Variants in TMEM106B observed in about 807,000 individuals in gnomAD.
TMEM106B encodes the protein transmembrane protein 106B.
In TMEM106B, 15 loss-of-function variants were observed where a neutral mutation model predicts 31.1. The observed-to-expected ratio is 0.48, with a 90% CI of 0.32 to 0.74. The LOEUF is 0.74. Among genes scored for constraint, TMEM106B ranks in the 30% least tolerant of loss-of-function variants. The pLI, the probability that TMEM106B is intolerant of heterozygous loss-of-function variation, is 0.03. For missense variants in TMEM106B, 283 were observed against 327.3 expected (o/e 0.86, Z 1.04); for synonymous variants, 126 against 112.5 (o/e 1.12, Z -0.76).
intron 4 of TMEM106B, among the ~76,000 whole-genome samples, chr7:12,224,750 C>A (rs1415844649): frequency 6.6e-6 from 1 of 152,126 alleles, no homozygotes; most frequent in Non-Finnish European, 1.5e-5. Context: ...ATTTTGATTT[C>A]ATTGTATTTG....
rs756919662 is a variant in TMEM106B at position 12,231,846 on chromosome 7, G to A, written c.696G>A (p.Val232=). 1.6e-5 allele frequency: 25 copies of A among 1,596,096 alleles called. No homozygotes were observed. The highest frequency in any genetic ancestry group is 3.4e-5 in the Admixed American group (2 of 59,198). Residue 232 remains valine, a synonymous_variant, in exon 8 of 8, where the codon GTG becomes GTA. Coordinates refer to ENST00000396668, the MANE Select transcript of TMEM106B (RefSeq NM_001134232.2). ...CTTACATTATTTTTAGAGTTACTGT[G>A]ACAACAACATACTTTGGCCACTCTG... The part of the protein sequence containing the change: ...HNIVLMMQVT[V]TTTYFGHSEQ...
chr7:12,240,206 C>T lies in TMEM106B; in HGVS notation c.*8231C>T, dbSNP rs891201207. The T allele has an allele frequency of 2.6e-5, 4 of 152,286 alleles. No homozygotes were observed. The highest frequency in any genetic ancestry group is 3.4e-3 in the Middle Eastern group (1 of 292). The allele number at this position is 152,286 out of a possible 1,614,324, so 9.4% of individuals were successfully genotyped here. A position where few individuals can be genotyped will look rare whatever the true frequency, so the allele number is the denominator to read the frequency against. Reference sequence around the variant, plus strand: ...GGAACAGTTCATTCCTTTATCCCTTCGCTCATTCTGTTCCTTTTTTCTTAG... The same window carrying T: ...GGAACAGTTCATTCCTTTATCCCTTTGCTCATTCTGTTCCTTTTTTCTTAG... On this transcript the variant is annotated 3_prime_UTR_variant, in exon 8 of 8. Coordinates refer to ENST00000396668, the MANE Select transcript of TMEM106B (RefSeq NM_001134232.2).
At chr7:12,223,717 G>A (rs1418104484) in intron 3 of TMEM106B, among the ~76,000 whole-genome samples, 1 of 144,756 alleles carries the variant, frequency 6.9e-6, no homozygotes, top group Non-Finnish European at 1.5e-5. Context: ...CCAAAAATGT[G>A]ATTCCTTTTT....
rs1233857113 is a variant in TMEM106B, at chr7:12,239,304, G to A, written c.*7329G>A. 1.3e-5 allele frequency: 2 copies of A among 152,102 alleles called. No homozygotes were observed. Among genetic ancestry groups the A allele is most frequent in the Non-Finnish European group, 2.9e-5 (2 of 68,028 alleles). The allele number at this position is 152,102 out of a possible 1,614,324, so 9.4% of individuals were successfully genotyped here. ...TTGAAGCGTGTTAGGGCTTTGTTCA[G>A]GATTAGGCTTTCACTTAAGGCAATG... On this transcript the variant is annotated 3_prime_UTR_variant, in exon 8 of 8. Coordinates refer to ENST00000396668, the MANE Select transcript of TMEM106B (RefSeq NM_001134232.2).
chr7:12,229,178 T>C (rs1231550514), intron 4 of TMEM106B, among the ~76,000 whole-genome samples: 1 of 152,126 alleles, frequency 6.6e-6, no homozygotes, highest in Non-Finnish European at 1.5e-5. Flanking sequence ...ACAACAGTTG[T>C]AAATTAGAAA....
chr7:12,229,917 G>C (rs1046865600), intron 5 of TMEM106B, 98 bp downstream of exon 5: 81 of 1,339,508 alleles, frequency 6.0e-5, no homozygotes, highest in South Asian at 5.5e-4. Context: ...TCAAAAACTT[G>C]ATTTAGAAAT....
intron 1 of TMEM106B, among the ~76,000 whole-genome samples, chr7:12,212,598 G>C (rs1023594961): frequency 3.3e-5 from 5 of 151,972 alleles, no homozygotes; most frequent in Non-Finnish European, 7.4e-5. Context: ...CAAGTGGATG[G>C]CATGCGAATT....
intron 4 of TMEM106B, among the ~76,000 whole-genome samples, chr7:12,225,040 T>C (rs10950396): frequency 0.51 from 76,969 of 151,774 alleles, 20,563 homozygotes; most frequent in African/African-American, 0.66. Flanking sequence ...ACGACAGGCC[T>C]CGGTGTGTGA....
chr7:12,222,569 T>G (rs569966054), intron 3 of TMEM106B, among the ~76,000 whole-genome samples: 2 of 152,350 alleles, frequency 1.3e-5, no homozygotes, highest in African/African-American at 2.4e-5. Context: ...CAGATTTTAT[T>G]ATGATGATGT....
In TMEM106B at chr7:12,212,126, C is replaced by A. The variant is rs59724595; in HGVS notation, c.-3+701C>A. Among the ~76,000 whole-genome samples, 644 of 152,282 alleles carry A rather than the reference C, an allele frequency of 4.2e-3. 5 individuals are homozygous for A. The highest frequency in any genetic ancestry group is 0.015 in the African/African-American group (625 of 41,544). On this transcript the variant is annotated intron_variant, in intron 1 of 7. Coordinates refer to ENST00000396668, the MANE Select transcript of TMEM106B (RefSeq NM_001134232.2). ...AGTCTGGCACTTGTCCAAACACCTA[C>A]CCTAAAGCAGAATCGATCATGGCAG...
intron 2 of TMEM106B, 139 bp from the exon 3 acceptor site, chr7:12,218,319 C>A: frequency 6.1e-6 from 3 of 494,106 alleles, no homozygotes; most frequent in East Asian, 3.8e-5. Flanking sequence ...TGGATACTTT[C>A]TGAAGACTTA....
At chr7:12,225,665 C>G (rs1343153893) in intron 4 of TMEM106B, among the ~76,000 whole-genome samples, 1 of 152,090 alleles carries the variant, frequency 6.6e-6, no homozygotes, top group African/African-American at 2.4e-5. Flanking sequence ...GCATAAATGT[C>G]TTCTTTTGAG....
intron 5 of TMEM106B, among the ~76,000 whole-genome samples, 200 bp downstream of exon 5, chr7:12,230,019 C>G (rs1781986495): frequency 6.6e-6 from 1 of 150,958 alleles, no homozygotes; most frequent in Non-Finnish European, 1.5e-5. Flanking sequence ...GAATTCGAGA[C>G]CAGCCTGGGC....
intron 3 of TMEM106B, among the ~76,000 whole-genome samples, chr7:12,223,659 G>A: frequency 6.6e-6 from 1 of 151,246 alleles, no homozygotes; most frequent in Non-Finnish European, 1.5e-5. Context: ...TGCTCTGGCA[G>A]TCAAAAAAGT....
At chr7:12,230,832 T>C (rs1782006810) in intron 6 of TMEM106B, 1 of 378,958 alleles carries the variant, frequency 2.6e-6, no homozygotes, top group South Asian at 7.0e-5. Flanking sequence ...ATATAAGTAA[T>C]TTATAGCCTG....
chr7:12,215,092 CTG>C, intron 2 of TMEM106B, 65 bp downstream of exon 2: 1 of 1,435,976 alleles, frequency 7.0e-7, no homozygotes, highest in Non-Finnish European at 9.5e-7. Flanking sequence ...ATTATAAAAA[CTG>C]TGGGTCTCAG....
In TMEM106B at chr7:12,224,018, C is replaced by T. The variant is rs74297217; in HGVS notation, c.282-208C>T. 1.2e-3 allele frequency among the ~76,000 whole-genome samples: 179 copies of T among 152,226 alleles called. 1 individual carries two copies. In the East Asian group the frequency reaches 0.019, roughly 16 times the overall value. ...ACAGGCGTGAGCCACCGCATCCCGC[C>T]GATTTCATCTTTTAAAGAGAACATC... On this transcript the variant is annotated intron_variant, in intron 3 of 7. Transcript: ENST00000396668.
intron 3 of TMEM106B, among the ~76,000 whole-genome samples, chr7:12,223,736 T>G (rs1231638390): frequency 2.0e-5 from 3 of 151,616 alleles, no homozygotes; most frequent in East Asian, 1.9e-4. Context: ...TTTTTTTTTT[T>G]TTGGTACAGA....
chr7:12,218,215 A>G (rs1333941292), intron 2 of TMEM106B, among the ~76,000 whole-genome samples: 1 of 151,656 alleles, frequency 6.6e-6, no homozygotes, highest in South Asian at 2.1e-4. Flanking sequence ...TAGTGGAAGA[A>G]AAAGTAAGCC....
Sources: allele counts gnomAD v4.1 joint callset (sites outside exome capture counted in the v4.1 genomes callset), GRCh38; gene constraint gnomAD v4.1.1; transcripts MANE v1.5; gene names NCBI Gene and HGNC (gene_info 2026-07-23, HGNC 2026-07-21).